BRWD1: variants seen among roughly 807,000 people sequenced by gnomAD.
The protein encoded by BRWD1 is bromodomain and WD repeat domain containing 1.
A neutral mutation model predicts 251.2 loss-of-function variants in BRWD1; 82 were observed. That is an observed-to-expected ratio of 0.33 (90% CI 0.27 to 0.39). The LOEUF (loss-of-function observed/expected upper bound fraction) is 0.39, where lower values mean the gene tolerates loss of function less well. Ranked by LOEUF, BRWD1 falls within the 10% of genes least tolerant of loss-of-function variation. The probability of loss-of-function intolerance (pLI) is 1.00; values close to 1 mark genes in which losing one functional copy is unlikely to be tolerated. For missense variants in BRWD1, 2,233 were observed against 2,711.6 expected, an observed-to-expected ratio of 0.82 and a Z score of 3.92; for synonymous variants, 918 against 902.8, an observed-to-expected ratio of 1.02 and a Z score of -0.30.
intron 33 of BRWD1, 33 bp downstream of exon 33, chr21:39,213,447 AC>A: frequency 6.4e-7 from 1 of 1,563,270 alleles, no homozygotes; most frequent in Non-Finnish European, 8.8e-7. Flanking sequence ...TTTGAAATTA[AC>A]AAAAACCATT....
intron 34 of BRWD1, among the ~76,000 whole-genome samples, chr21:39,212,239 T>C (rs549827719): frequency 1.4e-4 from 21 of 152,296 alleles, no homozygotes; most frequent in African/African-American, 4.6e-4. Context: ...GTATTATCTA[T>C]TTTGGCTGTT....
chr21:39,218,099 C>T, intron 31 of BRWD1, 53 bp downstream of exon 31: 1 of 1,529,762 alleles, frequency 6.5e-7, no homozygotes, highest in Non-Finnish European at 8.8e-7. Flanking sequence ...TTACCCTAGT[C>T]AATATTGCCA....
rs1226666968 is a variant in BRWD1, at chr21:39,218,264, C to G, written c.3547G>C (p.Ala1183Pro). ...IDQLLNLDIA[A>P]AFAGPVDLCT... ...AAATCAACAGGGCCTGCAAAAGCTG[C>G]TGCTATATCTGTTAGGGAAGACAGG... is the stretch of plus-strand genomic sequence containing the variant. Residue 1183 changes from alanine to proline, a missense_variant, in exon 31 of 41, where the codon GCA (alanine) becomes CCA (proline). Ala to Pro is a conservative substitution (Grantham distance 27, BLOSUM62 -1). This residue lies in a region of BRWD1 where 167 missense variants were observed against 183.2 expected (regional missense o/e 0.91). Coordinates refer to ENST00000342449, the MANE Select transcript of BRWD1 (RefSeq NM_033656.4). 6.2e-7 allele frequency: 1 copy of G among 1,605,348 alleles called. No homozygotes were observed. Among genetic ancestry groups the G allele is most frequent in the Admixed American group, 1.8e-5 (1 of 57,076 alleles).
At position 39,250,906 on chromosome 21, in the gene BRWD1, C is replaced by T; in HGVS notation, c.2256-17G>A. The T allele has an allele frequency of 6.7e-7, 1 of 1,490,102 alleles. No homozygotes were observed. The highest frequency in any genetic ancestry group is 9.2e-7 in the Non-Finnish European group (1 of 1,082,406). 92.3% of individuals were successfully genotyped at this position (1,490,102 alleles called of 1,614,324 possible). On this transcript the variant is annotated splice_polypyrimidine_tract_variant and intron_variant, in intron 19 of 40. Transcript: ENST00000342449. ...TCCAGCTTCCTACAAATTTAAATAC[C>T]CAGTTATATTAACTACTGAACTGAT...
At chr21:39,299,315 TTAAGA>T in intron 4 of BRWD1, among the ~76,000 whole-genome samples, 1 of 152,180 alleles carries the variant, frequency 6.6e-6, no homozygotes, top group African/African-American at 2.4e-5. Flanking sequence ...GAGAGAGATG[TTAAGA>T]TATCAAAGAT....
In BRWD1 at chr21:39,270,453, C is replaced by T; in HGVS notation, c.1245-20G>A. On this transcript the variant is annotated intron_variant, in intron 13 of 40. Transcript: ENST00000342449. ...AAGTCCCTAACAAAAAAATACACAA[C>T]ATGTAAACTTATTTAGATGGCTGGC... 6.3e-7 allele frequency: 1 copy of T among 1,579,628 alleles called. No homozygotes were observed. The highest frequency in any genetic ancestry group is 1.4e-5 in the African/African-American group (1 of 73,848).
At chr21:39,211,964 T>A (rs1448247935) in intron 34 of BRWD1, among the ~76,000 whole-genome samples, 1 of 152,162 alleles carries the variant, frequency 6.6e-6, no homozygotes, top group Non-Finnish European at 1.5e-5. Context: ...CTGCCGATAC[T>A]CCATTATGAT....
chr21:39,228,095 C>CA (rs2033454902), intron 27 of BRWD1, among the ~76,000 whole-genome samples: 1 of 152,094 alleles, frequency 6.6e-6, no homozygotes, highest in African/African-American at 2.4e-5. Context: ...CGAGTCCAGC[C>CA]TGACCAACAT....
intron 4 of BRWD1, among the ~76,000 whole-genome samples, chr21:39,300,878 C>T (rs552050932): frequency 6.6e-6 from 1 of 152,284 alleles, no homozygotes; most frequent in South Asian, 2.1e-4. Context: ...TGATATCATA[C>T]CACTTATTCA....
chr21:39,271,648 G>C (rs1340136742), intron 13 of BRWD1, among the ~76,000 whole-genome samples: 1 of 120,576 alleles, frequency 8.3e-6, no homozygotes, highest in Non-Finnish European at 1.6e-5. Flanking sequence ...AGTGAGCCAA[G>C]ATCGCACCAC....
chr21:39,259,882 G>C (rs929988609), intron 17 of BRWD1, among the ~76,000 whole-genome samples: 1 of 151,866 alleles, frequency 6.6e-6, no homozygotes, highest in African/African-American at 2.4e-5. Context: ...GATTAATAAG[G>C]TGATAATCAA....
chr21:39,314,718 C>T, upstream of BRWD1: 1 of 253,324 alleles, frequency 3.9e-6, no homozygotes, highest in Non-Finnish European at 7.9e-6. Flanking sequence ...CTGATTCTTA[C>T]TCATGGCAAT....
rs547479561 is a variant in BRWD1 at position 39,239,351 on chromosome 21, G to T, written c.2482-778C>A. Among the ~76,000 whole-genome samples the T allele has an allele frequency of 1.4e-4, 22 of 152,136 alleles. No individual in the cohort carries two copies. In the East Asian group the frequency reaches 3.9e-3, roughly 27 times the overall value. The stretch of plus-strand genomic sequence containing the variant: ...TTACATTAAGCTTATGATTCATTTT[G>T]AGTTAATTTTTGTGAAAGACTGGTG... On this transcript the variant is annotated intron_variant, in intron 21 of 40. Coordinates refer to ENST00000342449, the MANE Select transcript of BRWD1 (RefSeq NM_033656.4).
Position 39,188,277 on chromosome 21 carries a change from G to GTACA in BRWD1, c.*7978_*7981dup. The GTACA allele has an allele frequency of 1.0e-6, 1 of 985,326 alleles. No individual in the cohort carries two copies. The highest frequency in any genetic ancestry group is 1.2e-6 in the Non-Finnish European group (1 of 829,912). The allele number at this position is 985,326 out of a possible 1,614,324, so 61.0% of individuals were successfully genotyped here. On this transcript the variant is annotated 3_prime_UTR_variant, in exon 41 of 41. Transcript: ENST00000342449. ...CAAACTATCTAAAACTGCCTTCATG[G>GTACA]TACACACCAATCTTGATGGCAGTTT...
intron 12 of BRWD1, among the ~76,000 whole-genome samples, chr21:39,275,784 G>C (rs907389039): frequency 6.6e-6 from 1 of 152,158 alleles, no homozygotes; most frequent in Non-Finnish European, 1.5e-5. Context: ...TGTAATCCCA[G>C]CACTTTAGGA....
chr21:39,314,839 CCTG>C (rs571777270), upstream of BRWD1: 14 of 159,448 alleles, frequency 8.8e-5, no homozygotes, highest in Non-Finnish European at 1.7e-4. Context: ...CAAGTCACAA[CCTG>C]TGGGTCTCAG....
chr21:39,309,269 C>T (rs992628586), intron 4 of BRWD1, among the ~76,000 whole-genome samples: 1 of 142,250 alleles, frequency 7.0e-6, no homozygotes, highest in Admixed American at 7.4e-5. Flanking sequence ...GACAACATAG[C>T]GAGTCTTTTT....
upstream of BRWD1, among the ~76,000 whole-genome samples, chr21:39,316,216 C>G (rs1568991985): frequency 6.6e-6 from 1 of 152,020 alleles, no homozygotes; most frequent in Admixed American, 6.6e-5. Context: ...GAGACAAGAT[C>G]AGAAGTATGT....
rs1463267906 is a variant in BRWD1, at chr21:39,190,428, AT to A, written c.*5830del. ...AGAATGTCTGACTCAAAATGAAAAC[AT>A]ACTAGCCTCTTTCATAAACTCCTAG... is the stretch of plus-strand genomic sequence containing the variant. On this transcript the variant is annotated 3_prime_UTR_variant, in exon 41 of 41. Coordinates refer to ENST00000342449, the MANE Select transcript of BRWD1 (RefSeq NM_033656.4). 1 of 985,278 alleles carries A rather than the reference AT, an allele frequency of 1.0e-6. No individual in the cohort carries two copies. Among genetic ancestry groups the A allele is most frequent in the Non-Finnish European group, 1.2e-6 (1 of 829,914 alleles). 61.0% of individuals were successfully genotyped at this position (985,278 alleles called of 1,614,324 possible).
Sources: gnomAD v4.1 joint callset for allele counts (sites outside exome capture counted in the v4.1 genomes callset) on GRCh38, gnomAD v4.1.1 for gene constraint, gnomAD v4.1.1 regional missense constraint, MANE v1.5 for transcripts, NCBI Gene and HGNC (gene_info 2026-07-23, HGNC 2026-07-21) for gene names.